Variants in CPS1 observed in about 807,000 individuals in gnomAD.
The protein encoded by CPS1 is carbamoyl-phosphate synthase 1, also known as carbamoyl-phosphate synthase [ammonia], mitochondrial.
A neutral mutation model predicts 174.6 loss-of-function variants in CPS1; 109 were observed. The ratio of observed to expected loss-of-function variants is 0.62; its 90% CI spans 0.53 to 0.73. The LOEUF is 0.73. Among genes scored for constraint, CPS1 ranks in the 30% least tolerant of loss-of-function variants. CPS1 has a pLI of 0.00. For synonymous variants in CPS1, 637 were observed against 632.0 expected, an observed-to-expected ratio of 1.01 and a Z score of -0.12; for missense variants, 1,689 against 1,821.9, an observed-to-expected ratio of 0.93 and a Z score of 1.33.
chr2:210,591,817 C>G lies in CPS1; in HGVS notation c.948-14C>G. On this transcript the variant is annotated splice_polypyrimidine_tract_variant and intron_variant, in intron 9 of 37. Coordinates refer to ENST00000233072, the MANE Select transcript of CPS1 (RefSeq NM_001875.5). ...TTTTCCTTTTCCCTATTCTTTTTCT[C>G]CTTTTCTCTCCAGAGGGCAGAATCA... is the stretch of plus-strand genomic sequence containing the variant. The G allele has an allele frequency of 6.2e-7, 1 of 1,611,210 alleles. No individual in the cohort carries two copies. Among genetic ancestry groups the G allele is most frequent in the South Asian group, 1.1e-5 (1 of 91,000 alleles).
At chr2:210,486,940 A>G (rs1221086776) in intron 1 of CPS1, among the ~76,000 whole-genome samples, 1 of 152,102 alleles carries the variant, frequency 6.6e-6, no homozygotes, top group African/African-American at 2.4e-5. Context: ...TTCTACCTTG[A>G]GTTTGTTTCC....
chr2:210,593,611 C>A (rs563316889), intron 11 of CPS1: 2 of 985,372 alleles, frequency 2.0e-6, no homozygotes, highest in African/African-American at 3.5e-5. Flanking sequence ...ATTGTGACTT[C>A]CCCACACCCA....
At chr2:210,590,371 A>C (rs1698253596) in intron 8 of CPS1, 137 bp downstream of exon 8, 1 of 1,298,288 alleles carries the variant, frequency 7.7e-7, no homozygotes, top group East Asian at 2.3e-5. Flanking sequence ...AGGCAGTGTC[A>C]GTAGAGATAT....
At chr2:210,478,987 T>C (rs2105937818) in intron 1 of CPS1, among the ~76,000 whole-genome samples, 1 of 144,930 alleles carries the variant, frequency 6.9e-6, no homozygotes, top group South Asian at 2.3e-4. Context: ...TTCCTTTTTG[T>C]CAGAGAACCA....
In CPS1 at chr2:210,668,244, G is replaced by T; in HGVS notation, c.4061G>T (p.Gly1354Val). The T allele has an allele frequency of 6.2e-7, 1 of 1,613,920 alleles. No homozygotes were observed. Among genetic ancestry groups the T allele is most frequent in the Non-Finnish European group, 8.5e-7 (1 of 1,179,922 alleles). The part of the protein sequence containing the change: ...TAFLKAMLST[G>V]FKIPQKGILI... ...TTCCTAAAGGCAATGCTTTCCACAG[G>T]ATTTAAGATACCCCAGAAAGGCATC... Residue 1354 changes from glycine (G) to valine (V), a missense_variant, in exon 34 of 38, where the codon GGA becomes GTA. Transcript: ENST00000233072.
chr2:210,615,665 C>CT (rs1219705628), intron 20 of CPS1, among the ~76,000 whole-genome samples: 2 of 151,980 alleles, frequency 1.3e-5, no homozygotes, highest in East Asian at 3.9e-4. Context: ...GAGTTTATCT[C>CT]TTTTTTCAGT....
chr2:210,675,205 C>T (rs1701485628), intron 35 of CPS1, among the ~76,000 whole-genome samples: 1 of 152,216 alleles, frequency 6.6e-6, no homozygotes, highest in Non-Finnish European at 1.5e-5. Context: ...AGCTTAAGCA[C>T]AATTGAGACA....
intron 34 of CPS1, chr2:210,672,535 C>G (rs1260114904): frequency 6.6e-6 from 1 of 152,106 alleles, no homozygotes; most frequent in African/African-American, 2.4e-5. Context: ...AATTTATATG[C>G]CATCAAATTT....
intron 35 of CPS1, 29 bp from the exon 36 acceptor site, chr2:210,675,699 G>A (rs763985701): frequency 3.2e-5 from 32 of 1,001,002 alleles, no homozygotes; most frequent in East Asian, 7.1e-5. Flanking sequence ...ACTGTGATAC[G>A]GTAATTGATT....
chr2:210,565,754 A>C (rs1359479678), intron 1 of CPS1, among the ~76,000 whole-genome samples: 1 of 152,188 alleles, frequency 6.6e-6, no homozygotes, highest in Non-Finnish European at 1.5e-5. Context: ...TTGTTCAAAT[A>C]AAGTGAATGT....
intron 33 of CPS1, among the ~76,000 whole-genome samples, chr2:210,665,556 A>G (rs963698012): frequency 1.4e-5 from 2 of 146,246 alleles, no homozygotes; most frequent in Non-Finnish European, 3.0e-5. Flanking sequence ...ATTCCCACCT[A>G]TGAGTGAGAA....
rs1448481883 is a variant in CPS1, at chr2:210,518,178, G to A, written c.4-38541G>A. On this transcript the variant is annotated intron_variant, in intron 1 of 38. Transcript: ENST00000430249. Reference sequence around the variant, plus strand: ...TTTCTCAAGGTACCAACTATTGTGAGTTTCTAATTTTATAAATTAGACTAG... The same window carrying A: ...TTTCTCAAGGTACCAACTATTGTGAATTTCTAATTTTATAAATTAGACTAG... Among the ~76,000 whole-genome samples the A allele has an allele frequency of 2.6e-5, 4 of 151,918 alleles. No homozygotes were observed. The East Asian group carries it at 7.7e-4, about 29-fold the overall frequency.
intron 21 of CPS1, among the ~76,000 whole-genome samples, chr2:210,630,084 A>C (rs570745794): frequency 1.5e-5 from 2 of 129,746 alleles, no homozygotes; most frequent in Admixed American, 7.5e-5. Flanking sequence ...AAAAACAAAA[A>C]AACAAAACAA....
intron 21 of CPS1, among the ~76,000 whole-genome samples, chr2:210,624,748 T>C (rs1453923507): frequency 1.3e-5 from 2 of 151,994 alleles, no homozygotes; most frequent in Non-Finnish European, 2.9e-5. Flanking sequence ...TTGTGCATTT[T>C]TGAATTTGTG....
chr2:210,487,002 A>T (rs913827138), intron 1 of CPS1, among the ~76,000 whole-genome samples: 13 of 151,704 alleles, frequency 8.6e-5, no homozygotes, highest in Admixed American at 4.6e-4. Flanking sequence ...TTATTTATTT[A>T]TTTTTTGCTT....
rs2106111101 is a variant in CPS1, at chr2:210,591,895, G to A, written c.1012G>A (p.Gly338Ser). ...KQAFITAQNHGYALDNTLPAG... is the reference protein window; with the variant it reads ...KQAFITAQNHSYALDNTLPAG... Reference sequence around the variant, plus strand: ...GGCTTTCATTACTGCTCAGAATCATGGCTATGCCTTGGACAACACCCTCCC... The same window carrying A: ...GGCTTTCATTACTGCTCAGAATCATAGCTATGCCTTGGACAACACCCTCCC... Residue 338 changes from glycine (G) to serine (S), a missense_variant, in exon 10 of 38, where the codon GGC becomes AGC. Coordinates refer to ENST00000233072, the MANE Select transcript of CPS1 (RefSeq NM_001875.5). The A allele has an allele frequency of 6.2e-7, 1 of 1,612,442 alleles. No individual in the cohort carries two copies. Among genetic ancestry groups the A allele is most frequent in the East Asian group, 2.2e-5 (1 of 44,814 alleles).
At chr2:210,666,223 T>G (rs1198132201) in intron 33 of CPS1, among the ~76,000 whole-genome samples, 1 of 150,890 alleles carries the variant, frequency 6.6e-6, no homozygotes, top group East Asian at 1.9e-4. Flanking sequence ...ATTCTGGATA[T>G]TAGCCCTTTG....
At position 210,599,635 on chromosome 2, in the gene CPS1, C is replaced by G. The variant is rs566004564; in HGVS notation, c.1549+74C>G. The G allele has an allele frequency of 1.3e-4, 187 of 1,493,912 alleles. No individual in the cohort carries two copies. The African/African-American group carries it at 2.4e-3, about 19-fold the overall frequency. The allele number at this position is 1,493,912 out of a possible 1,614,324, so 92.5% of individuals were successfully genotyped here. On this transcript the variant is annotated intron_variant, in intron 14 of 37. Transcript: ENST00000233072. ...TGTAATGTATTTTATTTGAGCTCAT[C>G]TAACAATTGTGCTTTGTGTGTTCAT...
At chr2:210,566,205 T>C (rs1424396532) in intron 1 of CPS1, among the ~76,000 whole-genome samples, 4 of 152,048 alleles carry the variant, frequency 2.6e-5, no homozygotes, top group African/African-American at 9.7e-5. Flanking sequence ...GGGCAGCAAG[T>C]TTTTCCATTA....
Sources: allele counts gnomAD v4.1 joint callset (sites outside exome capture counted in the v4.1 genomes callset), GRCh38; gene constraint gnomAD v4.1.1; transcripts MANE v1.5; gene names NCBI Gene and HGNC (gene_info 2026-07-23, HGNC 2026-07-21).